The following DOCK7 variants were observed in gnomAD, a reference collection of about 807,000 sequenced individuals.
The protein encoded by DOCK7 is dedicator of cytokinesis protein 7.
A neutral mutation model predicts 271.0 loss-of-function variants in DOCK7; 138 were observed. The observed-to-expected ratio is 0.51, with a 90% CI of 0.44 to 0.59. The LOEUF (loss-of-function observed/expected upper bound fraction) is 0.59, where lower values mean the gene tolerates loss of function less well. Among genes scored for constraint, DOCK7 ranks in the 20% least tolerant of loss-of-function variants. DOCK7 has a pLI of 0.00. For missense variants in DOCK7, 2,066 were observed against 2,592.4 expected (o/e 0.80, Z 4.41); for synonymous variants, 823 against 876.1 (o/e 0.94, Z 1.07).
intron 14 of DOCK7, among the ~76,000 whole-genome samples, chr1:62,611,571 G>T (rs1029154864): frequency 1.3e-5 from 2 of 152,026 alleles, no homozygotes; most frequent in Non-Finnish European, 2.9e-5. Context: ...CGACCACAAG[G>T]TACCATGGTA....
At chr1:62,518,089 T>C (rs1007818333) in intron 31 of DOCK7, among the ~76,000 whole-genome samples, 4 of 152,190 alleles carry the variant, frequency 2.6e-5, no homozygotes, top group African/African-American at 9.7e-5. Flanking sequence ...ACATAGTATA[T>C]ATTCATAAAA....
chr1:62,552,702 C>A, intron 22 of DOCK7, 30 bp downstream of exon 22: 1 of 1,550,940 alleles, frequency 6.4e-7, no homozygotes, highest in South Asian at 1.2e-5. Flanking sequence ...AAACAAAAAC[C>A]AAATTTACAG....
chr1:62,553,622 T>C (rs1157328622), intron 21 of DOCK7, among the ~76,000 whole-genome samples: 1 of 150,992 alleles, frequency 6.6e-6, no homozygotes, highest in Admixed American at 6.6e-5. Context: ...AATCCTCCTC[T>C]CTTGGCCTCC....
chr1:62,627,130 C>T (rs1654053282), intron 11 of DOCK7, among the ~76,000 whole-genome samples: 1 of 152,056 alleles, frequency 6.6e-6, no homozygotes, highest in African/African-American at 2.4e-5. Context: ...TAAAAGGATA[C>T]AGGACAAATA....
intron 18 of DOCK7, among the ~76,000 whole-genome samples, chr1:62,568,506 T>C (rs1646604320): frequency 6.9e-6 from 1 of 145,560 alleles, no homozygotes; most frequent in African/African-American, 2.5e-5. Context: ...GATTTCACCA[T>C]GTTGGCCAGG....
At chr1:62,518,398 T>C (rs557981350) in intron 31 of DOCK7, among the ~76,000 whole-genome samples, 1 of 152,084 alleles carries the variant, frequency 6.6e-6, no homozygotes, top group Non-Finnish European at 1.5e-5. Context: ...GGTGAAACCC[T>C]GTGTCTACTA....
intron 1 of DOCK7, among the ~76,000 whole-genome samples, chr1:62,686,819 C>T (rs1661812048): frequency 6.6e-6 from 1 of 151,854 alleles, no homozygotes; most frequent in African/African-American, 2.4e-5. Context: ...AGAGCCCATG[C>T]TCTTAAACAC....
intron 35 of DOCK7, among the ~76,000 whole-genome samples, chr1:62,507,524 C>A (rs977515290): frequency 6.6e-6 from 1 of 152,178 alleles, no homozygotes; most frequent in African/African-American, 2.4e-5. Context: ...ATTGTTACTA[C>A]AGAATACTGC....
intron 44 of DOCK7, 48 bp from the exon 45 acceptor site, chr1:62,476,204 G>A (rs778899180): frequency 3.0e-5 from 46 of 1,508,950 alleles, no homozygotes; most frequent in Non-Finnish European, 4.0e-5. Flanking sequence ...AAAAGACTGC[G>A]AAATAGAGAA....
chr1:62,539,581 T>C lies in DOCK7; in HGVS notation c.3264A>G (p.Gly1088=). 6.2e-7 allele frequency: 1 copy of C among 1,613,350 alleles called. No homozygotes were observed. The highest frequency in any genetic ancestry group is 8.5e-7 in the Non-Finnish European group (1 of 1,179,824). Residue 1088 remains glycine, a synonymous_variant, in exon 27 of 50, where the codon GGA becomes GGG. Transcript: ENST00000635253. ...AGGACTTTATAAGGCTAAAAACAAA[T>C]CCTCTGTCCATAACAGACAACAGAT... is the stretch of plus-strand genomic sequence containing the variant. ...LNDLLSVMDR[G]FVFSLIKSCY...
At chr1:62,625,037 T>C (rs1246989853) in intron 12 of DOCK7, 2 of 383,954 alleles carry the variant, frequency 5.2e-6, no homozygotes, top group Non-Finnish European at 9.1e-6. Flanking sequence ...TTATTAGTCA[T>C]GGTCAACATT....
intron 11 of DOCK7, chr1:62,629,696 C>T (rs946189058): frequency 3.3e-5 from 5 of 152,322 alleles, no homozygotes; most frequent in Non-Finnish European, 7.3e-5. Context: ...CAAGAAAACA[C>T]TGCACAGTAA....
At chr1:62,662,479 A>G (rs1029061856) in intron 2 of DOCK7, among the ~76,000 whole-genome samples, 1 of 152,136 alleles carries the variant, frequency 6.6e-6, no homozygotes, top group African/African-American at 2.4e-5. Flanking sequence ...TAAAAGTTCT[A>G]GGGCCGGACG....
At chr1:62,624,410 A>C (rs1159413223) in intron 12 of DOCK7, among the ~76,000 whole-genome samples, 1 of 152,162 alleles carries the variant, frequency 6.6e-6, no homozygotes, top group Non-Finnish European at 1.5e-5. Flanking sequence ...GATTTGACTC[A>C]TGGTTAAAAG....
intron 31 of DOCK7, among the ~76,000 whole-genome samples, chr1:62,517,621 T>C (rs996136102): frequency 6.6e-6 from 1 of 151,924 alleles, no homozygotes; most frequent in African/African-American, 2.4e-5. Context: ...AAAAACCACC[T>C]CCATTTTAAT....
chr1:62,562,756 T>C (rs780081532), intron 18 of DOCK7, among the ~76,000 whole-genome samples: 46 of 152,116 alleles, frequency 3.0e-4, no homozygotes, highest in Non-Finnish European at 5.3e-4. Flanking sequence ...GCCTCACATA[T>C]CCTGGACTGA....
intron 43 of DOCK7, chr1:62,485,262 A>C (rs1646259318): frequency 2.0e-6 from 2 of 985,418 alleles, no homozygotes; most frequent in Non-Finnish European, 2.4e-6. Flanking sequence ...GATAACAGCC[A>C]CATGACTCCC....
rs377719435 is a variant in DOCK7 at position 62,476,049 on chromosome 1, T to C, written c.5724+18A>G. The C allele has an allele frequency of 1.9e-4, 311 of 1,607,320 alleles. 4 individuals are homozygous for C. The South Asian group carries it at 2.5e-3, about 13-fold the overall frequency. On this transcript the variant is annotated intron_variant, in intron 45 of 49. Coordinates refer to ENST00000635253, the MANE Select transcript of DOCK7 (RefSeq NM_001367561.1). Reference sequence around the variant, plus strand: ...TCAAAGAGATGTCTATATGTCATTATAGTCGAATCAACTATACCTTGTTAG... The same window carrying C: ...TCAAAGAGATGTCTATATGTCATTACAGTCGAATCAACTATACCTTGTTAG...
At chr1:62,680,868 T>C (rs1393495832) in intron 1 of DOCK7, among the ~76,000 whole-genome samples, 1 of 152,036 alleles carries the variant, frequency 6.6e-6, no homozygotes, top group East Asian at 1.9e-4. Context: ...TGGCGATCAT[T>C]AAAAAGTCAG....
Sources: allele counts gnomAD v4.1 joint callset (sites outside exome capture counted in the v4.1 genomes callset), GRCh38; gene constraint gnomAD v4.1.1; transcripts MANE v1.5; gene names NCBI Gene and HGNC (gene_info 2026-07-23, HGNC 2026-07-21).